Variants in XKR6 observed in about 807,000 individuals in gnomAD.
XKR6 encodes XK-related protein 6.
Under a neutral mutation model 56.7 loss-of-function variants are expected in XKR6, and 22 were observed. The ratio of observed to expected loss-of-function variants is 0.39; its 90% confidence interval spans 0.28 to 0.55. The LOEUF (loss-of-function observed/expected upper bound fraction) is 0.55, where lower values mean the gene tolerates loss of function less well. Ranked by LOEUF, XKR6 falls within the 20% of genes least tolerant of loss-of-function variation. The pLI is 0.66. For synonymous variants in XKR6, 524 were observed against 387.8 expected (o/e 1.35, Z -4.13); for missense variants, 852 against 889.0 (o/e 0.96, Z 0.53).
chr8:10,921,839 T>TTAAATA (rs1800731095), intron 2 of XKR6, among the ~76,000 whole-genome samples: 1 of 152,140 alleles, frequency 6.6e-6, no homozygotes, highest in Non-Finnish European at 1.5e-5. Flanking sequence ...AAAAGGCAGT[T>TTAAATA]TAAATAAACA....
At chr8:11,083,499 T>C (rs1797793972) in intron 1 of XKR6, among the ~76,000 whole-genome samples, 1 of 152,106 alleles carries the variant, frequency 6.6e-6, no homozygotes, top group South Asian at 2.1e-4. Context: ...CTCTTTTTAT[T>C]ACACCCCCCG....
At chr8:11,137,658 G>C (rs1800473999) in intron 1 of XKR6, 2 of 456,142 alleles carry the variant, frequency 4.4e-6, no homozygotes, top group Non-Finnish European at 8.8e-6. Context: ...CATGGTGTGA[G>C]CAATGCAATG....
chr8:11,173,217 G>A (rs1478421446), intron 1 of XKR6, among the ~76,000 whole-genome samples: 5 of 151,352 alleles, frequency 3.3e-5, no homozygotes, highest in Non-Finnish European at 5.9e-5. Flanking sequence ...GGTGGCGGGC[G>A]CCTGTATTCC....
At chr8:10,925,315 T>C (rs1004508532) in intron 1 of XKR6, among the ~76,000 whole-genome samples, 6 of 152,186 alleles carry the variant, frequency 3.9e-5, no homozygotes, top group African/African-American at 1.4e-4. Context: ...TGGCTGGCCA[T>C]GCCCAGGTGG....
intron 1 of XKR6, chr8:11,124,187 A>C (rs1799634767): frequency 2.8e-6 from 1 of 357,238 alleles, no homozygotes; most frequent in East Asian, 7.4e-5. Flanking sequence ...CATTTGAGGG[A>C]GAAAAAAGCC....
intron 1 of XKR6, among the ~76,000 whole-genome samples, chr8:11,134,578 G>A (rs1800284809): frequency 6.6e-6 from 1 of 152,090 alleles, no homozygotes; most frequent in African/African-American, 2.4e-5. Flanking sequence ...CTGAAACACA[G>A]AAGACTTACA....
intron 1 of XKR6, among the ~76,000 whole-genome samples, chr8:11,132,714 C>G (rs1054596753): frequency 1.3e-5 from 2 of 151,762 alleles, no homozygotes; most frequent in Non-Finnish European, 2.9e-5. Flanking sequence ...TAATCTTCAA[C>G]TTTTACTTTC....
At chr8:10,948,694 A>G (rs11990141) in intron 1 of XKR6, among the ~76,000 whole-genome samples, 15,635 of 152,104 alleles carry the variant, frequency 0.1, 1,612 homozygotes, top group African/African-American at 0.27. Flanking sequence ...ACCCCCTGCC[A>G]GCTGGCTGCT....
intron 1 of XKR6, among the ~76,000 whole-genome samples, chr8:11,086,460 C>T (rs1797894856): frequency 6.6e-6 from 1 of 152,166 alleles, no homozygotes; most frequent in Non-Finnish European, 1.5e-5. Flanking sequence ...GCTCATCAGC[C>T]TCACACCTTG....
In XKR6 at chr8:11,151,008, T is replaced by C. The variant is rs10088987; in HGVS notation, c.764+49568A>G. On this transcript the variant is annotated intron_variant, in intron 1 of 2. Transcript: ENST00000416569. ...GTGCTATCTTTCCTTAACTTAAAAT[T>C]ATGTTAGAATTCCTCCCAAGAAAAA... Among the ~76,000 whole-genome samples the C allele has an allele frequency of 6.1e-3, 922 of 152,276 alleles. 10 individuals are homozygous for C. Among genetic ancestry groups the C allele is most frequent in the African/African-American group, 0.021 (873 of 41,536 alleles).
chr8:11,056,224 T>C (rs1035820381), intron 1 of XKR6, among the ~76,000 whole-genome samples: 10 of 152,228 alleles, frequency 6.6e-5, no homozygotes, highest in Non-Finnish European at 1.3e-4. Flanking sequence ...AAAATGAGCC[T>C]GATTACTATT....
At chr8:11,164,051 T>G (rs1173250745) in intron 1 of XKR6, among the ~76,000 whole-genome samples, 2 of 152,162 alleles carry the variant, frequency 1.3e-5, no homozygotes, top group South Asian at 2.1e-4. Flanking sequence ...TGATTTCAAG[T>G]GTACAATCCC....
intron 2 of XKR6, among the ~76,000 whole-genome samples, chr8:10,914,166 T>C (rs1800489581): frequency 7.4e-6 from 1 of 134,918 alleles, no homozygotes; most frequent in South Asian, 2.3e-4. Context: ...GCTCAGAGAG[T>C]GCCCCCCACC....
intron 2 of XKR6, among the ~76,000 whole-genome samples, chr8:10,910,472 C>G (rs546421001): frequency 9.9e-5 from 15 of 152,248 alleles, no homozygotes; most frequent in South Asian, 6.2e-4. Flanking sequence ...CCTAAAGAAC[C>G]TATAGTTCCT....
chr8:10,920,688 G>A (rs1444867858), intron 2 of XKR6, among the ~76,000 whole-genome samples: 1 of 152,268 alleles, frequency 6.6e-6, no homozygotes, highest in Non-Finnish European at 1.5e-5. Flanking sequence ...GACTCTAGAA[G>A]TTAAGTAAGA....
chr8:11,070,081 G>A (rs993090339), intron 1 of XKR6, among the ~76,000 whole-genome samples: 1 of 152,136 alleles, frequency 6.6e-6, no homozygotes, highest in Non-Finnish European at 1.5e-5. Context: ...CACAGTTTTG[G>A]CTTCTGGGTT....
chr8:11,100,999 T>A (rs776638903), intron 1 of XKR6, among the ~76,000 whole-genome samples: 1 of 152,186 alleles, frequency 6.6e-6, no homozygotes, highest in Non-Finnish European at 1.5e-5. Flanking sequence ...CCATCTCCCT[T>A]ACCCACCCTG....
intron 1 of XKR6, among the ~76,000 whole-genome samples, chr8:11,011,227 G>C (rs12216784): frequency 0.28 from 42,436 of 152,146 alleles, 6,590 homozygotes; most frequent in Middle Eastern, 0.38. Flanking sequence ...ACAGAAACAA[G>C]CATTTCAACA....
chr8:10,938,494 C>T (rs1300021205), intron 1 of XKR6, among the ~76,000 whole-genome samples: 1 of 152,198 alleles, frequency 6.6e-6, no homozygotes, highest in Non-Finnish European at 1.5e-5. Context: ...TATGGTAATC[C>T]ATACTGTGGA....
Sources: gnomAD v4.1 joint callset for allele counts (sites outside exome capture counted in the v4.1 genomes callset) on GRCh38, gnomAD v4.1.1 for gene constraint, MANE v1.5 for transcripts, NCBI Gene and HGNC (gene_info 2026-07-23, HGNC 2026-07-21) for gene names.